Variants in TRNAU1AP observed in about 807,000 individuals in gnomAD.
TRNAU1AP encodes tRNA selenocysteine 1 associated protein 1.
In TRNAU1AP, 33 loss-of-function variants were observed where a neutral mutation model predicts 43.3. That is an observed-to-expected ratio of 0.76 (90% CI 0.58 to 1.02). The LOEUF is 1.02. Among genes scored for constraint, TRNAU1AP ranks in the 50% least tolerant of loss-of-function variants. The pLI, the probability that TRNAU1AP is intolerant of heterozygous loss-of-function variation, is 0.00. For synonymous variants in TRNAU1AP, 143 were observed against 129.1 expected (o/e 1.11, Z -0.73); for missense variants, 290 against 362.7 (o/e 0.80, Z 1.63).
At chr1:28,555,142 A>G (rs747274367) in intron 2 of TRNAU1AP, among the ~76,000 whole-genome samples, 20 of 151,616 alleles carry the variant, frequency 1.3e-4, no homozygotes, top group Non-Finnish European at 2.1e-4. Flanking sequence ...AGGCAGGAGA[A>G]TCGCTTGAAC....
Position 28,554,205 on chromosome 1 carries a change from A to C in TRNAU1AP, c.125+468A>C, listed in dbSNP as rs570055595. Among the ~76,000 whole-genome samples, 15 of 145,858 alleles carry C rather than the reference A, an allele frequency of 1.0e-4. No individual in the cohort carries two copies. The South Asian group carries it at 1.2e-3, about 12-fold the overall frequency. ...AAGAGCAAAACAATGTCTCAAAAAAAAAAAAAACAAAAAAACAAAAAACGC... is the reference window on the plus strand; with the variant it reads ...AAGAGCAAAACAATGTCTCAAAAAACAAAAAAACAAAAAAACAAAAAACGC... On this transcript the variant is annotated intron_variant, in intron 2 of 8. Coordinates refer to ENST00000373830, the MANE Select transcript of TRNAU1AP (RefSeq NM_017846.5).
chr1:28,567,724 G>A (rs1250756493), intron 6 of TRNAU1AP, among the ~76,000 whole-genome samples: 1 of 152,164 alleles, frequency 6.6e-6, no homozygotes, highest in Admixed American at 6.6e-5. Flanking sequence ...TTGCCCAGTA[G>A]TCCCATTGTT....
chr1:28,570,979 C>T (rs138193740), intron 6 of TRNAU1AP, among the ~76,000 whole-genome samples, 197 bp from the exon 7 acceptor site: 178 of 152,044 alleles, frequency 1.2e-3, no homozygotes, highest in African/African-American at 4.1e-3. Flanking sequence ...GCAGGAGAAT[C>T]GCTTGAACCC....
chr1:28,575,443 G>T (rs765968012), intron 8 of TRNAU1AP, among the ~76,000 whole-genome samples: 2 of 150,736 alleles, frequency 1.3e-5, no homozygotes, highest in Non-Finnish European at 3.0e-5. Context: ...GAACCACTGC[G>T]CCAGGCCCAA....
chr1:28,556,270 T>A (rs1167112818), intron 2 of TRNAU1AP, among the ~76,000 whole-genome samples: 1 of 151,904 alleles, frequency 6.6e-6, no homozygotes, highest in African/African-American at 2.4e-5. Context: ...GAGAACAGCC[T>A]GGACAACATG....
At position 28,564,610 on chromosome 1, in the gene TRNAU1AP, G is replaced by A. The variant is rs1356986743; in HGVS notation, c.279-93G>A. The A allele has an allele frequency of 1.2e-5, 18 of 1,477,390 alleles. No individual in the cohort carries two copies. The East Asian group carries it at 2.1e-4, about 17-fold the overall frequency. 91.5% of individuals were successfully genotyped at this position (1,477,390 alleles called of 1,614,324 possible). ...ACCCATCAAATGTTTTCCTTAAGGG[G>A]CCTGGGAGAGGTTTACCTGGAATAT... is the stretch of plus-strand genomic sequence containing the variant. On this transcript the variant is annotated intron_variant, in intron 4 of 8. Coordinates refer to ENST00000373830, the MANE Select transcript of TRNAU1AP (RefSeq NM_017846.5).
intron 8 of TRNAU1AP, among the ~76,000 whole-genome samples, chr1:28,574,250 G>A (rs1665726490): frequency 1.3e-5 from 2 of 151,830 alleles, no homozygotes; most frequent in Admixed American, 1.3e-4. Context: ...ACCACGCTCG[G>A]CTAATTTTTG....
At chr1:28,574,950 T>C (rs1243166772) in intron 8 of TRNAU1AP, among the ~76,000 whole-genome samples, 5 of 146,672 alleles carry the variant, frequency 3.4e-5, no homozygotes, top group African/African-American at 7.4e-5. Flanking sequence ...AGGAGCTCCA[T>C]TTCACAGATG....
At chr1:28,571,547 C>CGA (rs1378837648) in intron 7 of TRNAU1AP, among the ~76,000 whole-genome samples, 6 of 151,898 alleles carry the variant, frequency 4.0e-5, no homozygotes, top group Non-Finnish European at 8.8e-5. Context: ...TTTGAGAGGC[C>CGA]GAGGCAGGTA....
intron 5 of TRNAU1AP, chr1:28,565,125 A>G (rs936164956): frequency 2.7e-6 from 1 of 370,446 alleles, no homozygotes; most frequent in Non-Finnish European, 4.9e-6. Context: ...GTCACATTTG[A>G]AATGCTTTAT....
At chr1:28,572,796 G>A (rs564893239) in intron 8 of TRNAU1AP, among the ~76,000 whole-genome samples, 167 of 151,384 alleles carry the variant, frequency 1.1e-3, no homozygotes, top group Middle Eastern at 6.8e-3. Flanking sequence ...TTAGCCGGGT[G>A]TGGTGATGGG....
At chr1:28,566,995 G>A (rs1320698366) in intron 5 of TRNAU1AP, among the ~76,000 whole-genome samples, 2 of 152,186 alleles carry the variant, frequency 1.3e-5, no homozygotes, top group Admixed American at 6.5e-5. Context: ...GCAGGGTGTC[G>A]GGGAAGCTCC....
intron 2 of TRNAU1AP, among the ~76,000 whole-genome samples, chr1:28,558,271 A>G (rs1482446005): frequency 7.1e-6 from 1 of 141,372 alleles, no homozygotes; most frequent in South Asian, 2.2e-4. Context: ...GCTGGAGTGC[A>G]GTGGCGTGAT....
chr1:28,563,393 C>G (rs532977684), intron 4 of TRNAU1AP, among the ~76,000 whole-genome samples: 1 of 151,930 alleles, frequency 6.6e-6, no homozygotes, highest in East Asian at 2.0e-4. Flanking sequence ...ACTAAAAATA[C>G]AAAAATTGGC....
intron 4 of TRNAU1AP, among the ~76,000 whole-genome samples, chr1:28,564,212 C>T (rs143209539): frequency 2.0e-5 from 3 of 151,760 alleles, no homozygotes; most frequent in East Asian, 2.0e-4. Context: ...GTTGAAGTGA[C>T]CCCAGATCAC....
chr1:28,561,282 C>T, intron 3 of TRNAU1AP, 64 bp from the exon 4 acceptor site: 1 of 1,603,646 alleles, frequency 6.2e-7, no homozygotes, highest in Non-Finnish European at 8.5e-7. Context: ...CAGTTTTCTT[C>T]AAATATTGTT....
chr1:28,574,124 A>G (rs1665723293), intron 8 of TRNAU1AP, among the ~76,000 whole-genome samples: 1 of 133,038 alleles, frequency 7.5e-6, no homozygotes, highest in Non-Finnish European at 1.5e-5. Context: ...TCTGTCACCC[A>G]GGCTGGAGTG....
At position 28,560,617 on chromosome 1, in the gene TRNAU1AP, T is replaced by C; in HGVS notation, c.126-16T>C. ...TATCTTTAACCATTTTCTTTCTCTA[T>C]TTGCTTTTTTTCCAGGATCCCAGCT... is the stretch of plus-strand genomic sequence containing the variant. On this transcript the variant is annotated splice_polypyrimidine_tract_variant and intron_variant, in intron 2 of 8. Transcript: ENST00000373830. 3.7e-6 allele frequency: 6 copies of C among 1,607,040 alleles called. No individual in the cohort carries two copies. Among genetic ancestry groups the C allele is most frequent in the Non-Finnish European group, 5.1e-6 (6 of 1,173,900 alleles).
intron 2 of TRNAU1AP, among the ~76,000 whole-genome samples, chr1:28,558,196 C>T (rs867066868): frequency 2.4e-4 from 36 of 150,378 alleles, no homozygotes; most frequent in Middle Eastern, 6.8e-3. Flanking sequence ...TGTGCCCAGC[C>T]CGCCCTGCTA....
Sources: allele counts gnomAD v4.1 joint callset (sites outside exome capture counted in the v4.1 genomes callset), GRCh38; gene constraint gnomAD v4.1.1; transcripts MANE v1.5; gene names NCBI Gene and HGNC (gene_info 2026-07-23, HGNC 2026-07-21).